Variants in LRMDA observed in about 807,000 individuals in gnomAD.
The protein encoded by LRMDA is leucine-rich melanocyte differentiation-associated protein.
In LRMDA, 18 loss-of-function variants were observed where a neutral mutation model predicts 29.8. The observed-to-expected ratio is 0.60, with a 90% CI of 0.42 to 0.90. The LOEUF (loss-of-function observed/expected upper bound fraction) is 0.90. LRMDA is among the 40% of genes least tolerant of loss of function. LRMDA has a pLI of 0.00. For synonymous variants in LRMDA, 125 were observed against 109.4 expected, an observed-to-expected ratio of 1.14 and a Z score of -0.89; for missense variants, 273 against 273.9, an observed-to-expected ratio of 1.00 and a Z score of 0.02.
intron 2 of LRMDA, among the ~76,000 whole-genome samples, chr10:75,620,684 T>C (rs1841169349): frequency 6.6e-6 from 1 of 152,194 alleles, no homozygotes; most frequent in African/African-American, 2.4e-5. Context: ...CTGGTTCAAA[T>C]CCATCTTCTT....
At chr10:75,760,311 C>A (rs548732863) in intron 2 of LRMDA, among the ~76,000 whole-genome samples, 5 of 152,078 alleles carry the variant, frequency 3.3e-5, no homozygotes, top group Non-Finnish European at 7.4e-5. Flanking sequence ...TAATGAAAAG[C>A]CCAGATGACA....
chr10:76,262,589 C>G (rs1309543253), intron 5 of LRMDA, among the ~76,000 whole-genome samples: 2 of 152,180 alleles, frequency 1.3e-5, no homozygotes, highest in African/African-American at 4.8e-5. Context: ...TGTTCGGCAC[C>G]TACATCTTCT....
At chr10:75,581,290 A>G (rs1840587566) in intron 2 of LRMDA, among the ~76,000 whole-genome samples, 1 of 152,248 alleles carries the variant, frequency 6.6e-6, no homozygotes, top group South Asian at 2.1e-4. Flanking sequence ...GAAGACATAT[A>G]TGCAGCCAAT....
At chr10:75,746,386 T>G (rs144594563) in intron 2 of LRMDA, among the ~76,000 whole-genome samples, 3 of 152,324 alleles carry the variant, frequency 2.0e-5, no homozygotes, top group Non-Finnish European at 4.4e-5. Flanking sequence ...TAAAATTGTT[T>G]TCGTTCAAAC....
chr10:75,899,906 G>C (rs1316154879), intron 2 of LRMDA, among the ~76,000 whole-genome samples: 1 of 152,222 alleles, frequency 6.6e-6, no homozygotes, highest in Admixed American at 6.5e-5. Context: ...ATGTTTCTTT[G>C]AAGACCTGTC....
chr10:75,436,759 G>A (rs781222984), intron 1 of LRMDA, among the ~76,000 whole-genome samples: 2 of 152,080 alleles, frequency 1.3e-5, no homozygotes, highest in Non-Finnish European at 2.9e-5. Flanking sequence ...ATGAGCCACC[G>A]CGCCTGGCCA....
intron 5 of LRMDA, among the ~76,000 whole-genome samples, chr10:76,132,020 A>G (rs935855566): frequency 2.0e-5 from 3 of 152,248 alleles, no homozygotes; most frequent in African/African-American, 2.4e-5. Flanking sequence ...CAACAATTCA[A>G]GATGCAAATC....
chr10:75,955,466 A>T (rs7911856), intron 2 of LRMDA, among the ~76,000 whole-genome samples: 2,695 of 152,192 alleles, frequency 0.018, 62 homozygotes, highest in East Asian at 0.064. Context: ...GTGTCCTTGG[A>T]ATTTATAACA....
intron 6 of LRMDA, among the ~76,000 whole-genome samples, chr10:76,420,992 C>T (rs1484075065): frequency 6.6e-6 from 1 of 152,042 alleles, no homozygotes; most frequent in Non-Finnish European, 1.5e-5. Context: ...TCCTCACGTG[C>T]AGTATTCTTC....
intron 2 of LRMDA, among the ~76,000 whole-genome samples, chr10:75,613,425 G>T (rs1215302382): frequency 6.6e-6 from 1 of 152,132 alleles, no homozygotes; most frequent in Admixed American, 6.6e-5. Context: ...TTGTTGTGTG[G>T]ACTGGTACAC....
chr10:75,903,732 C>A (rs1282221297), intron 2 of LRMDA, among the ~76,000 whole-genome samples: 1 of 152,192 alleles, frequency 6.6e-6, no homozygotes, highest in East Asian at 1.9e-4. Flanking sequence ...TTGCACCAAC[C>A]AAAAGCTTTT....
chr10:75,514,232 C>T (rs1052968027), intron 2 of LRMDA, among the ~76,000 whole-genome samples: 7 of 136,422 alleles, frequency 5.1e-5, no homozygotes, highest in African/African-American at 1.9e-4. Context: ...TTCTTAGTTT[C>T]TTCTTCTCTT....
rs528842199 is a variant in LRMDA at position 75,573,993 on chromosome 10, T to C, written c.131+135499T>C. Among the ~76,000 whole-genome samples the C allele has an allele frequency of 2.7e-4, 41 of 152,238 alleles. No individual in the cohort carries two copies. The South Asian group carries it at 3.7e-3, about 14-fold the overall frequency. On this transcript the variant is annotated intron_variant, in intron 2 of 6. Transcript: ENST00000611255. ...TGTTTCTTGCAGAAGGCCTTTTTTT[T>C]TTTCTGCCCAGAGGCATGAGAAACA...
chr10:75,940,602 C>T (rs997461843), intron 2 of LRMDA, among the ~76,000 whole-genome samples: 5 of 152,130 alleles, frequency 3.3e-5, no homozygotes, highest in South Asian at 2.1e-4. Flanking sequence ...AGTAGCTTTG[C>T]GTCCCATCTC....
chr10:76,492,476 G>A (rs1345050304), intron 6 of LRMDA, among the ~76,000 whole-genome samples: 3 of 152,042 alleles, frequency 2.0e-5, no homozygotes, highest in Non-Finnish European at 4.4e-5. Context: ...TTCAGTAAGA[G>A]CTGGAAGAAT....
chr10:76,517,266 AT>A (rs1329362188), intron 6 of LRMDA, among the ~76,000 whole-genome samples: 1 of 152,170 alleles, frequency 6.6e-6, no homozygotes, highest in Non-Finnish European at 1.5e-5. Flanking sequence ...AAGCATGCAG[AT>A]AAACTTAAAA....
At chr10:75,714,006 A>G (rs1589167646) in intron 2 of LRMDA, among the ~76,000 whole-genome samples, 1 of 152,104 alleles carries the variant, frequency 6.6e-6, no homozygotes, top group African/African-American at 2.4e-5. Context: ...TTCTTGTGCC[A>G]CTTATTTCTC....
intron 2 of LRMDA, among the ~76,000 whole-genome samples, chr10:75,690,060 A>C (rs1842126047): frequency 6.6e-6 from 1 of 152,214 alleles, no homozygotes; most frequent in Admixed American, 6.5e-5. Flanking sequence ...GTCACAAAAC[A>C]ATACTTAATA....
chr10:75,474,727 A>G (rs1261255288), intron 2 of LRMDA, among the ~76,000 whole-genome samples: 2 of 152,130 alleles, frequency 1.3e-5, no homozygotes, highest in Admixed American at 1.3e-4. Flanking sequence ...ATACCAGTGC[A>G]GTTTGTATTG....
Sources: allele counts gnomAD v4.1 joint callset (sites outside exome capture counted in the v4.1 genomes callset), GRCh38; gene constraint gnomAD v4.1.1; transcripts MANE v1.5; gene names NCBI Gene and HGNC (gene_info 2026-07-23, HGNC 2026-07-21).